The following MCF2L variants were observed in gnomAD, a reference collection of about 807,000 sequenced individuals.
MCF2L encodes guanine nucleotide exchange factor DBS.
In MCF2L, 97 loss-of-function variants were observed where a neutral mutation model predicts 153.4. The ratio of observed to expected loss-of-function variants is 0.63; its 90% CI spans 0.54 to 0.75. MCF2L has a LOEUF of 0.75. Ranked by LOEUF, MCF2L falls within the 30% of genes least tolerant of loss-of-function variation. The probability of loss-of-function intolerance (pLI) is 0.00; values close to 1 mark genes in which losing one functional copy is unlikely to be tolerated. For missense variants in MCF2L, 1,347 were observed against 1,495.2 expected, an observed-to-expected ratio of 0.90 and a Z score of 1.64; for synonymous variants, 659 against 632.2, an observed-to-expected ratio of 1.04 and a Z score of -0.64.
chr13:112,909,359 C>A, intron 2 of MCF2L: 2 of 774,492 alleles, frequency 2.6e-6, no homozygotes, highest in Non-Finnish European at 4.8e-6. Context: ...CCGGCCTCCC[C>A]GCCCAGCATG....
In MCF2L at chr13:113,057,663, GTGTT is replaced by G. The variant is rs544558525; in HGVS notation, c.370-2927_370-2924del. 9.7e-4 allele frequency among the ~76,000 whole-genome samples: 140 copies of G among 144,410 alleles called. 4 individuals carry two copies. Among genetic ancestry groups the G allele is most frequent in the South Asian group, 1.4e-3 (6 of 4,424 alleles). 94.7% of individuals were successfully genotyped at this position (144,410 alleles called of 152,430 possible). On this transcript the variant is annotated intron_variant, in intron 4 of 29. Coordinates refer to ENST00000535094, the MANE Select transcript of MCF2L (RefSeq NM_001112732.3). ...TGGGTGCTGAGTGTTTAGGTGCTGTGTGTTTGGGTGCTGAGTGTTGGGTGCTGAG... is the reference window on the plus strand; with the variant it reads ...TGGGTGCTGAGTGTTTAGGTGCTGTGTGGGTGCTGAGTGTTGGGTGCTGAG...
In MCF2L at chr13:113,096,539, G is replaced by C; in HGVS notation, c.3189-11G>C. 6.3e-7 allele frequency: 1 copy of C among 1,598,438 alleles called. No individual in the cohort carries two copies. The highest frequency in any genetic ancestry group is 8.5e-7 in the Non-Finnish European group (1 of 1,174,486). ...CCGCACGTGGCTGCCGCTGACCCTC[G>C]CCCCTTGCAGGTACGTCAGGGACCC... is the stretch of plus-strand genomic sequence containing the variant. On this transcript the variant is annotated splice_polypyrimidine_tract_variant and intron_variant, in intron 28 of 29. Coordinates refer to ENST00000535094, the MANE Select transcript of MCF2L (RefSeq NM_001112732.3).
At chr13:112,946,638 A>T (rs1396193603) in intron 2 of MCF2L, among the ~76,000 whole-genome samples, 1 of 152,212 alleles carries the variant, frequency 6.6e-6, no homozygotes, top group African/African-American at 2.4e-5. Flanking sequence ...TGAAACTGAC[A>T]CCTAACACTC....
intron 3 of MCF2L, chr13:113,043,973 C>A (rs2086651909): frequency 6.5e-6 from 1 of 153,818 alleles, no homozygotes; most frequent in Non-Finnish European, 1.4e-5. Context: ...GCTGGGATTG[C>A]AGGCGTGAAC....
chr13:113,092,545 G>T (rs1461810134), intron 26 of MCF2L, among the ~76,000 whole-genome samples: 2 of 152,256 alleles, frequency 1.3e-5, no homozygotes, highest in African/African-American at 4.8e-5. Context: ...AGGTGGTTCT[G>T]GGTGGCCTGA....
intron 1 of MCF2L, chr13:112,979,561 A>G: frequency 6.4e-7 from 1 of 1,560,642 alleles, no homozygotes. Context: ...CTGTCGCAGC[A>G]GAGACCCGAA....
At chr13:112,914,148 TAAAG>T (rs1332989940) in intron 2 of MCF2L, among the ~76,000 whole-genome samples, 5 of 152,222 alleles carry the variant, frequency 3.3e-5, no homozygotes, top group Admixed American at 2.0e-4. Context: ...ATCAAAATAA[TAAAG>T]AAGATACGGC....
At chr13:112,913,305 T>G (rs1013468952) in intron 2 of MCF2L, among the ~76,000 whole-genome samples, 5 of 152,066 alleles carry the variant, frequency 3.3e-5, no homozygotes, top group African/African-American at 1.2e-4. Context: ...TGTGTGTCTG[T>G]GTTTATGTGT....
chr13:113,094,254 G>C (rs2035461163), intron 26 of MCF2L: 1 of 262,478 alleles, frequency 3.8e-6, no homozygotes, highest in Non-Finnish European at 7.2e-6. Flanking sequence ...GCTTCCCAGG[G>C]CCTGGGGATC....
At chr13:113,066,306 G>A in intron 8 of MCF2L, 136 bp downstream of exon 8, 1 of 1,071,484 alleles carries the variant, frequency 9.3e-7, no homozygotes, top group South Asian at 1.9e-5. Flanking sequence ...CCTGGCCAGG[G>A]CCAGCACAGC....
At chr13:113,078,890 A>G (rs2033805906) in intron 15 of MCF2L, 151 bp downstream of exon 15, 2 of 758,114 alleles carry the variant, frequency 2.6e-6, no homozygotes, top group Admixed American at 5.0e-5. Flanking sequence ...CGATACCCAG[A>G]GGGCCTGCCG....
rs115478558 is a variant in MCF2L at position 113,066,924 on chromosome 13, G to A, written c.881+754G>A. Among the ~76,000 whole-genome samples the A allele has an allele frequency of 1.6e-3, 238 of 152,356 alleles. 2 individuals carry two copies. Among genetic ancestry groups the A allele is most frequent in the African/African-American group, 5.6e-3 (232 of 41,590 alleles). On this transcript the variant is annotated intron_variant, in intron 8 of 29. Transcript: ENST00000535094. ...GCTGCCTTTGACTCCCACGCAGCGT[G>A]GCCCACACCCTGAGCTGCCTTCTCT...
rs1023288897 is a variant in MCF2L at position 113,045,315 on chromosome 13, G to A, written c.323G>A (p.Arg108Gln). 1.1e-5 allele frequency: 17 copies of A among 1,613,990 alleles called. No homozygotes were observed. The highest frequency in any genetic ancestry group is 1.7e-5 in the Admixed American group (1 of 60,016). Reference protein sequence around the residue: ...GIGFILVIDRRRDKWTSVKAS... With the variant: ...GIGFILVIDRQRDKWTSVKAS... Reference sequence around the variant, plus strand: ...GGATTCATCCTGGTGATAGACCGGCGACGGGACAAATGGACCTCCGTGAAG... The same window carrying A: ...GGATTCATCCTGGTGATAGACCGGCAACGGGACAAATGGACCTCCGTGAAG... The change falls in exon 4 of 30, where the codon CGA becomes CAA. Residue 108 changes from arginine (R) to glutamine (Q), a missense_variant. Coordinates refer to ENST00000535094, the MANE Select transcript of MCF2L (RefSeq NM_001112732.3). The surrounding 1 kb of genome is among the most constrained non-coding windows in gnomAD (Gnocchi z 4.2).
intron 1 of MCF2L, among the ~76,000 whole-genome samples, chr13:113,010,852 G>A (rs2084047235): frequency 1.3e-5 from 2 of 152,212 alleles, no homozygotes; most frequent in Admixed American, 1.3e-4. Context: ...ACAGCACAGA[G>A]CCCCACAGAG....
chr13:112,992,867 A>C (rs778095242), intron 1 of MCF2L, among the ~76,000 whole-genome samples: 22 of 152,238 alleles, frequency 1.4e-4, no homozygotes, highest in Non-Finnish European at 2.5e-4. Flanking sequence ...TTCACATTAT[A>C]TTTGAGCTAG....
intron 2 of MCF2L, among the ~76,000 whole-genome samples, chr13:112,920,373 TTG>T (rs150232536): frequency 6.6e-6 from 1 of 151,980 alleles, no homozygotes; most frequent in Non-Finnish European, 1.5e-5. Context: ...TGCTGCTGGC[TTG>T]TGTGTGTGTG....
intron 16 of MCF2L, among the ~76,000 whole-genome samples, chr13:113,082,007 G>T (rs1384588037): frequency 6.6e-6 from 1 of 151,194 alleles, no homozygotes; most frequent in Non-Finnish European, 1.5e-5. Flanking sequence ...TGCACAGGTG[G>T]TGACCACCTG....
chr13:113,094,559 G>A lies in MCF2L; in HGVS notation c.2999G>A (p.Gly1000Glu). The change falls in exon 27 of 30, where the codon GGG (glycine) becomes GAG (glutamate). Residue 1000 changes from glycine (G) to glutamate (E), a missense_variant. By Grantham distance (98) the Gly-to-Glu change is moderately conservative. Around this residue, in one of 3 missense-constraint regions of MCF2L, gnomAD observed 383 missense variants for 335.4 expected, o/e 1.14. Transcript: ENST00000535094. ...TCACTGGAGGCACCTGAGGACGACG[G>A]GGGCTGGTCAAGTGCAGAGGAGCAG... ...SHSLEAPEDD[G>E]GWSSAEEQIN... 1.9e-6 allele frequency: 3 copies of A among 1,612,668 alleles called. No individual in the cohort carries two copies. Among genetic ancestry groups the A allele is most frequent in the Non-Finnish European group, 2.5e-6 (3 of 1,179,738 alleles).
chr13:113,074,057 C>A lies in MCF2L; in HGVS notation c.997-387C>A, dbSNP rs938417497. On this transcript the variant is annotated intron_variant, in intron 9 of 29. Transcript: ENST00000535094. The surrounding 1 kb of genome is among the most constrained non-coding windows in gnomAD (Gnocchi z 4.2). ...TACATAACTCTCCACACCTAGGATC[C>A]AGTAGGAATGCTGACAATTCCAGTG... 2.6e-5 allele frequency among the ~76,000 whole-genome samples: 4 copies of A among 152,228 alleles called. No individual in the cohort carries two copies. The East Asian group carries it at 7.7e-4, about 29-fold the overall frequency.
Sources: allele counts gnomAD v4.1 joint callset (sites outside exome capture counted in the v4.1 genomes callset), GRCh38; gene constraint gnomAD v4.1.1; regional missense constraint gnomAD v4.1.1; non-coding constraint Gnocchi (gnomAD v3.1); transcripts MANE v1.5; gene names NCBI Gene and HGNC (gene_info 2026-07-23, HGNC 2026-07-21).